The following SUPT20H variants were observed in gnomAD, a reference collection of about 807,000 sequenced individuals.
The protein encoded by SUPT20H is transcription factor SPT20 homolog.
A neutral mutation model predicts 122.8 loss-of-function variants in SUPT20H; 82 were observed. That is an observed-to-expected ratio of 0.67 (90% CI 0.56 to 0.80). SUPT20H has a LOEUF of 0.80. Among genes scored for constraint, SUPT20H ranks in the 30% least tolerant of loss-of-function variants. SUPT20H has a pLI of 0.00. For missense variants in SUPT20H, 831 were observed against 921.6 expected, an observed-to-expected ratio of 0.90 and a Z score of 1.27; for synonymous variants, 291 against 313.0, an observed-to-expected ratio of 0.93 and a Z score of 0.74.
chr13:37,009,435 T>C lies in SUPT20H; in HGVS notation c.*237A>G, dbSNP rs1380763262. The C allele has an allele frequency of 2.8e-6, 2 of 722,436 alleles. No homozygotes were observed. Among genetic ancestry groups the C allele is most frequent in the Non-Finnish European group, 4.6e-6 (2 of 434,542 alleles). 44.8% of individuals were successfully genotyped at this position (722,436 alleles called of 1,614,324 possible). ...TATTATTTCTTAGGTCACTTCCATA[T>C]ATATTATGTATAGTGAAACCATTTT... On this transcript the variant is annotated 3_prime_UTR_variant, in exon 26 of 26. Coordinates refer to ENST00000350612, the MANE Select transcript of SUPT20H (RefSeq NM_001014286.3).
At chr13:37,015,167 AAAAT>A (rs1463107718) in intron 23 of SUPT20H, among the ~76,000 whole-genome samples, 1 of 151,522 alleles carries the variant, frequency 6.6e-6, no homozygotes, top group African/African-American at 2.4e-5. Context: ...GAACTACATT[AAAAT>A]AAAAAAAAAA....
In SUPT20H at chr13:37,048,685, A is replaced by G. The variant is rs901770076; in HGVS notation, c.4-86T>C. On this transcript the variant is annotated intron_variant, in intron 2 of 25. Transcript: ENST00000350612. ...ACATTTAACATTTCTAATGTTTTCT[A>G]AAACAGGTCTAATATATTTTCCTTT... The G allele has an allele frequency of 2.8e-5, 34 of 1,196,854 alleles. No homozygotes were observed. In the East Asian group the frequency reaches 9.0e-4, roughly 32 times the overall value. 74.1% of individuals were successfully genotyped at this position (1,196,854 alleles called of 1,614,324 possible). A position where few individuals can be genotyped will look rare whatever the true frequency, so the allele number is the denominator to read the frequency against.
intron 7 of SUPT20H, among the ~76,000 whole-genome samples, chr13:37,043,106 G>T (rs2065789419): frequency 6.6e-6 from 1 of 152,092 alleles, no homozygotes; most frequent in South Asian, 2.1e-4. Context: ...ATTTAATAGA[G>T]AAAGAGAAAT....
intron 7 of SUPT20H, among the ~76,000 whole-genome samples, chr13:37,043,666 A>G: frequency 6.6e-6 from 1 of 152,008 alleles, no homozygotes; most frequent in Non-Finnish European, 1.5e-5. Flanking sequence ...TTAGTTTTAG[A>G]GACAGGGTCT....
At position 37,017,322 on chromosome 13, in the gene SUPT20H, G is replaced by C; in HGVS notation, c.1915C>G (p.Gln639Glu). The change falls in exon 23 of 26, where the codon CAA becomes GAA. Residue 639 changes from glutamine (Q) to glutamate (E), a missense_variant. Transcript: ENST00000350612. ...SLIFNTLQQQ[Q>E]QQLSQFTPQQ... is the part of the protein sequence containing the mutation. The stretch of plus-strand genomic sequence containing the variant: ...GGTGTAAACTGGGAGAGCTGCTGTT[G>C]CTGCTGCTGCAGAGTGTTAAAAATA... The C allele has an allele frequency of 6.2e-7, 1 of 1,614,002 alleles. No homozygotes were observed. Among genetic ancestry groups the C allele is most frequent in the Non-Finnish European group, 8.5e-7 (1 of 1,179,930 alleles).
chr13:37,041,612 T>C (rs979303588), intron 7 of SUPT20H, among the ~76,000 whole-genome samples: 2 of 152,136 alleles, frequency 1.3e-5, no homozygotes, highest in African/African-American at 4.8e-5. Context: ...TGACTTGCCA[T>C]GGTCACTCAT....
At chr13:37,029,988 T>G in intron 12 of SUPT20H, 152 bp from the exon 13 acceptor site, 1 of 571,240 alleles carries the variant, frequency 1.8e-6, no homozygotes, top group Non-Finnish European at 2.9e-6. Context: ...TATCAACTAC[T>G]TATGCTTAAG....
chr13:37,052,867 A>G (rs2068053207), intron 1 of SUPT20H, among the ~76,000 whole-genome samples: 1 of 152,248 alleles, frequency 6.6e-6, no homozygotes, highest in African/African-American at 2.4e-5. Flanking sequence ...TGGGTGAAGG[A>G]TATGAACGGA....
chr13:37,035,483 T>C (rs943640257), intron 9 of SUPT20H, among the ~76,000 whole-genome samples: 12 of 151,766 alleles, frequency 7.9e-5, no homozygotes, highest in Admixed American at 2.0e-4. Context: ...ATGATCAAAC[T>C]TGAATGGATG....
In SUPT20H at chr13:37,044,866, T is replaced by C. The variant is rs766748197; in HGVS notation, c.292+381A>G. Among the ~76,000 whole-genome samples the C allele has an allele frequency of 4.3e-4, 65 of 152,326 alleles. 1 individual carries two copies. Among genetic ancestry groups the C allele is most frequent in the South Asian group, 1.4e-3 (7 of 4,828 alleles). ...GGACTACCTACCTTTAAACACGGTA[T>C]GCTATCTTAAAATATAAATAGCAAT... On this transcript the variant is annotated intron_variant, in intron 6 of 25. Coordinates refer to ENST00000350612, the MANE Select transcript of SUPT20H (RefSeq NM_001014286.3).
chr13:37,057,605 G>C (rs1165932989), intron 1 of SUPT20H, among the ~76,000 whole-genome samples: 1 of 151,892 alleles, frequency 6.6e-6, no homozygotes, highest in African/African-American at 2.4e-5. Flanking sequence ...GGGAGGCAGA[G>C]GCTGCCAGAT....
intron 1 of SUPT20H, among the ~76,000 whole-genome samples, chr13:37,052,502 A>T (rs2067962683): frequency 6.6e-6 from 1 of 151,332 alleles, no homozygotes; most frequent in African/African-American, 2.4e-5. Flanking sequence ...CCCCTTTCTT[A>T]CACCTTAACA....
chr13:37,044,366 A>G (rs1005553181), intron 6 of SUPT20H, among the ~76,000 whole-genome samples, 185 bp from the exon 7 acceptor site: 22 of 149,968 alleles, frequency 1.5e-4, no homozygotes, highest in South Asian at 2.1e-4. Context: ...CTTAAGGGGG[A>G]AAAAAAAAAC....
chr13:37,033,457 T>A lies in SUPT20H; in HGVS notation c.699A>T (p.Pro233=), dbSNP rs761573416. 6.2e-7 allele frequency: 1 copy of A among 1,609,626 alleles called. No individual in the cohort carries two copies. Among genetic ancestry groups the A allele is most frequent in the Non-Finnish European group, 8.5e-7 (1 of 1,178,064 alleles). Reference sequence around the variant, plus strand: ...TCCACAAAGGCAATTACCGTTTCATTGGGCGAGTGTTCATCTTTTGCTTGT... The same window carrying A: ...TCCACAAAGGCAATTACCGTTTCATAGGGCGAGTGTTCATCTTTTGCTTGT... ...LYNKQKMNTR[P]MKRCFKRYSR... The change falls in exon 10 of 26, where the codon CCA becomes CCT. Residue 233 remains proline, a synonymous_variant. Transcript: ENST00000350612.
chr13:37,026,150 T>A, intron 16 of SUPT20H, 54 bp downstream of exon 16: 2 of 1,486,022 alleles, frequency 1.3e-6, no homozygotes, highest in Admixed American at 4.1e-5. Context: ...CCTATAAGGG[T>A]GAAAAATTTT....
chr13:37,048,786 A>G (rs1047806780), intron 2 of SUPT20H, among the ~76,000 whole-genome samples, 187 bp from the exon 3 acceptor site: 4 of 152,272 alleles, frequency 2.6e-5, no homozygotes, highest in African/African-American at 9.6e-5. Flanking sequence ...GCACCTGATT[A>G]CTAACAACAA....
chr13:37,036,611 C>T (rs1328113333), intron 9 of SUPT20H, among the ~76,000 whole-genome samples: 4 of 152,036 alleles, frequency 2.6e-5, no homozygotes, highest in South Asian at 2.1e-4. Context: ...TGAGCCACTG[C>T]GACCAGCTAG....
At chr13:37,053,127 T>C (rs1399014201) in intron 1 of SUPT20H, among the ~76,000 whole-genome samples, 1 of 152,206 alleles carries the variant, frequency 6.6e-6, no homozygotes, top group Non-Finnish European at 1.5e-5. Flanking sequence ...CTCAAGGATC[T>C]AGAACCAGAA....
chr13:37,015,240 T>C, intron 23 of SUPT20H, among the ~76,000 whole-genome samples: 1 of 148,652 alleles, frequency 6.7e-6, no homozygotes, highest in Non-Finnish European at 1.5e-5. Context: ...GGAGAAAATA[T>C]CTGGAAATCA....
Sources: allele counts gnomAD v4.1 joint callset (sites outside exome capture counted in the v4.1 genomes callset), GRCh38; gene constraint gnomAD v4.1.1; transcripts MANE v1.5; gene names NCBI Gene and HGNC (gene_info 2026-07-23, HGNC 2026-07-21).